The following IGF1R variants were observed in gnomAD, a reference collection of about 807,000 sequenced individuals.
IGF1R encodes the protein insulin-like growth factor 1 receptor.
A neutral mutation model predicts 144.6 loss-of-function variants in IGF1R; 44 were observed. The ratio of observed to expected loss-of-function variants is 0.30; its 90% confidence interval spans 0.24 to 0.39. The LOEUF is 0.39. IGF1R is among the 10% of genes least tolerant of loss of function. The pLI, the probability that IGF1R is intolerant of heterozygous loss-of-function variation, is 1.00. For synonymous variants in IGF1R, 795 were observed against 722.8 expected, an observed-to-expected ratio of 1.10 and a Z score of -1.60; for missense variants, 1,355 against 1,833.7, an observed-to-expected ratio of 0.74 and a Z score of 4.77.
intron 19 of IGF1R, among the ~76,000 whole-genome samples, chr15:98,946,957 T>C (rs2016577031): frequency 6.6e-6 from 1 of 152,240 alleles, no homozygotes; most frequent in African/African-American, 2.4e-5. Context: ...AATTTTTTGT[T>C]GTTGGAGAGC....
chr15:98,939,125 T>A, intron 17 of IGF1R, 76 bp from the exon 18 acceptor site: 1 of 1,285,238 alleles, frequency 7.8e-7, no homozygotes, highest in Non-Finnish European at 1.1e-6. Flanking sequence ...AAAGATGATA[T>A]GCAAACCTCG....
At position 98,943,133 on chromosome 15, in the gene IGF1R, C is replaced by T. The variant is rs1365107506; in HGVS notation, c.3587+81C>T. Reference sequence around the variant, plus strand: ...ACCAGCTCAGTCTCTAGGGCTTTATCTTTCTCTGTTCATTGTTACCCGTTG... The same window carrying T: ...ACCAGCTCAGTCTCTAGGGCTTTATTTTTCTCTGTTCATTGTTACCCGTTG... On this transcript the variant is annotated intron_variant, in intron 19 of 20. Transcript: ENST00000650285. 5 of 1,504,802 alleles carry T rather than the reference C, an allele frequency of 3.3e-6. No individual in the cohort carries two copies. The Admixed American group carries it at 6.7e-5, about 20-fold the overall frequency. 93.2% of individuals were successfully genotyped at this position (1,504,802 alleles called of 1,614,324 possible).
At chr15:98,787,272 C>T (rs1209589029) in intron 2 of IGF1R, among the ~76,000 whole-genome samples, 2 of 152,190 alleles carry the variant, frequency 1.3e-5, no homozygotes, top group African/African-American at 4.8e-5. Context: ...TCTGTGCCAA[C>T]CTGACTTTTG....
intron 2 of IGF1R, among the ~76,000 whole-genome samples, chr15:98,852,225 G>A (rs886124629): frequency 1.3e-5 from 2 of 152,180 alleles, no homozygotes; most frequent in Admixed American, 6.5e-5. Context: ...TCCGGGGGAC[G>A]CCCGCTCCGC....
intron 2 of IGF1R, among the ~76,000 whole-genome samples, chr15:98,778,855 C>G (rs2055784372): frequency 6.6e-6 from 1 of 152,188 alleles, no homozygotes; most frequent in Admixed American, 6.5e-5. Context: ...ATGATAGCCT[C>G]TTTGGAAGTC....
At chr15:98,880,158 G>A (rs2013296615) in intron 2 of IGF1R, among the ~76,000 whole-genome samples, 1 of 152,178 alleles carries the variant, frequency 6.6e-6, no homozygotes, top group Non-Finnish European at 1.5e-5. Context: ...TGTAAAAAAT[G>A]TGTGAAGGAA....
At chr15:98,727,237 C>T (rs1210805575) in intron 2 of IGF1R, among the ~76,000 whole-genome samples, 1 of 152,106 alleles carries the variant, frequency 6.6e-6, no homozygotes, top group African/African-American at 2.4e-5. Context: ...ACTTTTAATT[C>T]TTTTGCAAAA....
At chr15:98,897,610 T>A (rs2151653998) in intron 4 of IGF1R, 1 of 153,046 alleles carries the variant, frequency 6.5e-6, no homozygotes, top group East Asian at 1.9e-4. Context: ...AGGGTCTCAC[T>A]GTATCACCCA....
At position 98,935,312 on chromosome 15, in the gene IGF1R, C is replaced by T. The variant is rs1189335747; in HGVS notation, c.3187-4C>T. 1 of 1,539,416 alleles carries T rather than the reference C, an allele frequency of 6.5e-7. No homozygotes were observed. Among genetic ancestry groups the T allele is most frequent in the Non-Finnish European group, 8.8e-7 (1 of 1,136,174 alleles). ...TGAGTCTTTCTCTTTTTGATTCCTC[C>T]CAGGTGCGATTGCTGGGTGTGGTGT... On this transcript the variant is annotated splice_region_variant and splice_polypyrimidine_tract_variant and intron_variant, in intron 16 of 20. Transcript: ENST00000650285. This position sits in a 1 kb window ranked among gnomAD's most constrained non-coding sequence, Gnocchi z 4.2.
intron 1 of IGF1R, among the ~76,000 whole-genome samples, chr15:98,686,949 C>T (rs1011707279): frequency 6.6e-6 from 1 of 152,084 alleles, no homozygotes; most frequent in Admixed American, 6.5e-5. Flanking sequence ...GGATTATAGG[C>T]GTGAGCCACT....
At chr15:98,797,419 T>A (rs979933413) in intron 2 of IGF1R, among the ~76,000 whole-genome samples, 1 of 152,252 alleles carries the variant, frequency 6.6e-6, no homozygotes, top group Admixed American at 6.5e-5. Flanking sequence ...ATAGAGTTGT[T>A]CATATGTGGT....
Position 98,942,937 on chromosome 15 carries a change from C to G in IGF1R, c.3472C>G (p.Arg1158Gly). 1 of 1,614,120 alleles carries G rather than the reference C, an allele frequency of 6.2e-7. No homozygotes were observed. The highest frequency in any genetic ancestry group is 8.5e-7 in the Non-Finnish European group (1 of 1,180,006). Reference sequence around the variant, plus strand: ...TTCCCTTACAGATTTTGGTATGACGCGAGATATCTATGAGACAGACTATTA... The same window carrying G: ...TTCCCTTACAGATTTTGGTATGACGGGAGATATCTATGAGACAGACTATTA... ...TVKIGDFGMT[R>G]DIYETDYYRK... The change falls in exon 19 of 21, where the codon CGA becomes GGA. Residue 1158 changes from arginine (R) to glycine (G), a missense_variant. Around this residue, in one of 7 missense-constraint regions of IGF1R, gnomAD observed 77 missense variants for 163.2 expected, o/e 0.47. Transcript: ENST00000650285.
Position 98,908,790 on chromosome 15 carries a change from T to C in IGF1R, c.1353T>C (p.Asn451=). The C allele has an allele frequency of 6.2e-7, 1 of 1,614,106 alleles. No homozygotes were observed. Among genetic ancestry groups the C allele is most frequent in the Non-Finnish European group, 8.5e-7 (1 of 1,180,004 alleles). The change falls in exon 6 of 21, where the codon AAT becomes AAC. Residue 451 remains asparagine, a synonymous_variant. Transcript: ENST00000650285. The stretch of plus-strand genomic sequence containing the variant: ...CAGGGAAAATGTACTTTGCTTTCAA[T>C]CCCAAATTATGTGTTTCCGAAATTT... ...IKAGKMYFAF[N]PKLCVSEIYR...
rs565307914 is a variant in IGF1R at position 98,722,218 on chromosome 15, T to C, written c.640+14111T>C. Among the ~76,000 whole-genome samples, 10 of 152,298 alleles carry C rather than the reference T, an allele frequency of 6.6e-5. No homozygotes were observed. In the South Asian group the frequency reaches 8.3e-4, roughly 13 times the overall value. On this transcript the variant is annotated intron_variant, in intron 2 of 20. Coordinates refer to ENST00000650285, the MANE Select transcript of IGF1R (RefSeq NM_000875.5). ...ACATTTAAAAGAGAGAGACAACTTA[T>C]GCGGTGTGACGAGACACTCTACGAC...
chr15:98,818,462 C>T (rs55734844), intron 2 of IGF1R, among the ~76,000 whole-genome samples: 644 of 152,060 alleles, frequency 4.2e-3, no homozygotes, highest in African/African-American at 7.4e-3. Context: ...GCAGGGAGAC[C>T]GCTTAGGAAG....
rs780382569 is a variant in IGF1R at position 98,935,040 on chromosome 15, A to G, written c.3173A>G (p.Asn1058Ser). The change falls in exon 16 of 21, where the codon AAT (asparagine) becomes AGT (serine). Residue 1058 changes from asparagine to serine, a missense_variant. Physicochemically the swap from Asn to Ser is conservative, Grantham distance 46. Around this residue, in one of 7 missense-constraint regions of IGF1R, gnomAD observed 10 missense variants for 40.7 expected, o/e 0.25. Transcript: ENST00000650285. The surrounding 1 kb of genome is among the most constrained non-coding windows in gnomAD (Gnocchi z 4.2). ...LNEASVMKEFNCHHVVRLLGV... is the reference protein window; with the variant it reads ...LNEASVMKEFSCHHVVRLLGV... ...GAAGCTTCTGTGATGAAGGAGTTCA[A>G]TTGTCACCATGTGGTAAGAGAAAGT... 38 of 1,613,252 alleles carry G rather than the reference A, an allele frequency of 2.4e-5. No homozygotes were observed. In the African/African-American group the frequency reaches 2.5e-4, roughly 11 times the overall value.
intron 10 of IGF1R, among the ~76,000 whole-genome samples, chr15:98,919,826 A>G (rs1399799732): frequency 1.3e-5 from 2 of 152,240 alleles, no homozygotes; most frequent in East Asian, 3.8e-4. Flanking sequence ...GAATGACTGA[A>G]TCACAGAGGC....
chr15:98,868,291 C>T (rs1225591887), intron 2 of IGF1R, among the ~76,000 whole-genome samples: 1 of 134,152 alleles, frequency 7.5e-6, no homozygotes, highest in Non-Finnish European at 1.5e-5. Flanking sequence ...GGCACCACTG[C>T]ACTCCAGCCT....
intron 17 of IGF1R, among the ~76,000 whole-genome samples, chr15:98,937,199 A>G (rs945289716): frequency 6.6e-6 from 1 of 152,142 alleles, no homozygotes; most frequent in East Asian, 1.9e-4. Flanking sequence ...GGTTCACTTT[A>G]ATACACAAAA....
Sources: gnomAD v4.1 joint callset for allele counts (sites outside exome capture counted in the v4.1 genomes callset) on GRCh38, gnomAD v4.1.1 for gene constraint, gnomAD v4.1.1 regional missense constraint, Gnocchi (gnomAD v3.1) non-coding constraint, MANE v1.5 for transcripts, NCBI Gene and HGNC (gene_info 2026-07-23, HGNC 2026-07-21) for gene names.